The following VRK2 variants were observed in gnomAD, a reference collection of about 807,000 sequenced individuals.
VRK2 encodes VRK serine/threonine kinase 2.
In VRK2, 60 loss-of-function variants were observed where a neutral mutation model predicts 57.6. The observed-to-expected ratio is 1.04, with a 90% CI of 0.85 to 1.29. VRK2 has a LOEUF of 1.29. Among genes scored for constraint, VRK2 ranks in the 50% most tolerant of loss-of-function variants. The probability of loss-of-function intolerance (pLI) is 0.00; values close to 1 mark genes in which losing one functional copy is unlikely to be tolerated. For missense variants in VRK2, 705 were observed against 588.1 expected, an observed-to-expected ratio of 1.20 and a Z score of -2.06; for synonymous variants, 231 against 199.2, an observed-to-expected ratio of 1.16 and a Z score of -1.35.
At chr2:58,022,647 G>T (rs1394820315) in intron 1 of VRK2, among the ~76,000 whole-genome samples, 4 of 152,154 alleles carry the variant, frequency 2.6e-5, no homozygotes, top group Admixed American at 1.3e-4. Flanking sequence ...AGGCCGAGGT[G>T]GGCAGATCAC....
At chr2:58,130,552 G>A (rs1452015296) in intron 8 of VRK2, among the ~76,000 whole-genome samples, 2 of 152,208 alleles carry the variant, frequency 1.3e-5, no homozygotes, top group Non-Finnish European at 2.9e-5. Flanking sequence ...AGCTAATCAT[G>A]TCTTCTGCTT....
At chr2:57,973,785 T>C (rs566287466) in intron 1 of VRK2, among the ~76,000 whole-genome samples, 9 of 151,900 alleles carry the variant, frequency 5.9e-5, no homozygotes, top group Middle Eastern at 3.4e-3. Flanking sequence ...GAAAGATATA[T>C]ATATATATCC....
chr2:58,044,451 G>C (rs960187390), upstream of VRK2, among the ~76,000 whole-genome samples: 3 of 152,210 alleles, frequency 2.0e-5, no homozygotes, highest in Admixed American at 6.5e-5. Flanking sequence ...TGGGGATACA[G>C]TAGTGACGAA....
At chr2:58,080,393 T>G (rs987372187) in intron 2 of VRK2, among the ~76,000 whole-genome samples, 1 of 152,036 alleles carries the variant, frequency 6.6e-6, no homozygotes, top group African/African-American at 2.4e-5. Context: ...GAGAAAAAAC[T>G]TAATTGCATT....
intron 7 of VRK2, among the ~76,000 whole-genome samples, chr2:58,117,057 G>A (rs1245776332): frequency 2.6e-5 from 4 of 152,036 alleles, no homozygotes; most frequent in Admixed American, 2.6e-4. Context: ...GGGGTTTGAG[G>A]GCCAGATTCT....
chr2:58,018,794 A>G (rs1673662427), intron 1 of VRK2, among the ~76,000 whole-genome samples: 1 of 152,072 alleles, frequency 6.6e-6, no homozygotes, highest in South Asian at 2.1e-4. Flanking sequence ...ACCACTTCCA[A>G]TTATAAGGGT....
At chr2:58,143,898 T>C (rs1010518052) in intron 11 of VRK2, among the ~76,000 whole-genome samples, 7 of 151,740 alleles carry the variant, frequency 4.6e-5, no homozygotes, top group African/African-American at 1.7e-4. Context: ...ATAGAACACA[T>C]TTTCTTTATC....
intron 7 of VRK2, 40 bp from the exon 8 acceptor site, chr2:58,123,061 G>A (rs1228921685): frequency 1.3e-6 from 2 of 1,574,918 alleles, no homozygotes; most frequent in Non-Finnish European, 1.7e-6. Flanking sequence ...TGTTTTCAGA[G>A]GACAAAGGCA....
chr2:58,114,603 G>T (rs1323351296), intron 7 of VRK2, among the ~76,000 whole-genome samples: 1 of 152,104 alleles, frequency 6.6e-6, no homozygotes, highest in African/African-American at 2.4e-5. Context: ...TTAAGTTGGT[G>T]GCTGAGCTTG....
chr2:57,985,411 A>G (rs1222482444), intron 1 of VRK2, among the ~76,000 whole-genome samples: 1 of 152,070 alleles, frequency 6.6e-6, no homozygotes, highest in Non-Finnish European at 1.5e-5. Context: ...TTATACACAA[A>G]TCTGAAATTC....
intron 1 of VRK2, among the ~76,000 whole-genome samples, chr2:57,937,868 G>C (rs528285979): frequency 2.6e-5 from 3 of 115,390 alleles, no homozygotes; most frequent in African/African-American, 1.0e-4. Flanking sequence ...GTCTTGCCCT[G>C]TCTCCTAGGC....
chr2:58,120,184 C>CTTTCTTTTTTTTTTTTTTT (rs1677215194), intron 7 of VRK2, among the ~76,000 whole-genome samples: 1 of 51,988 alleles, frequency 1.9e-5, no homozygotes, highest in African/African-American at 1.0e-4. Context: ...TTTTTCTTTT[C>CTTTCTTTTTTTTTTTTTTT]TTTTTTTTTT....
At chr2:57,988,047 G>A (rs1672653429) in intron 1 of VRK2, among the ~76,000 whole-genome samples, 1 of 152,128 alleles carries the variant, frequency 6.6e-6, no homozygotes. Flanking sequence ...ATTTGTGGGA[G>A]TGTTGGAACT....
At chr2:57,995,809 C>T (rs1017418978) in intron 1 of VRK2, among the ~76,000 whole-genome samples, 5 of 152,072 alleles carry the variant, frequency 3.3e-5, no homozygotes, top group African/African-American at 1.2e-4. Flanking sequence ...ACTGTGAGTC[C>T]ACTTTGGTAC....
At chr2:58,031,554 C>A (rs12478718) in intron 2 of VRK2, among the ~76,000 whole-genome samples, 16,333 of 152,026 alleles carry the variant, frequency 0.11, 988 homozygotes, top group African/African-American at 0.16. Flanking sequence ...ATGATATTTA[C>A]AATGATTATG....
chr2:57,934,535 C>T (rs1670840244), intron 1 of VRK2, among the ~76,000 whole-genome samples: 1 of 152,148 alleles, frequency 6.6e-6, no homozygotes, highest in African/African-American at 2.4e-5. Context: ...TGATTTTATT[C>T]TGTCTTGGTA....
At chr2:58,036,940 TATTA>T (rs974139239) in intron 3 of VRK2, among the ~76,000 whole-genome samples, 41 of 152,204 alleles carry the variant, frequency 2.7e-4, no homozygotes, top group African/African-American at 8.9e-4. Flanking sequence ...ATCTTAATTT[TATTA>T]ATTAATTTTT....
At chr2:57,931,469 G>A (rs896066496) in intron 1 of VRK2, among the ~76,000 whole-genome samples, 1 of 151,934 alleles carries the variant, frequency 6.6e-6, no homozygotes, top group Non-Finnish European at 1.5e-5. Flanking sequence ...ATGTTTACTT[G>A]ATTTTTTGCT....
chr2:58,119,602 ACTT>A (rs1402120190), intron 7 of VRK2, among the ~76,000 whole-genome samples: 2 of 151,530 alleles, frequency 1.3e-5, no homozygotes, highest in South Asian at 2.1e-4. Flanking sequence ...TAGTGACTTG[ACTT>A]CTTCTTATGT....
Sources: allele counts gnomAD v4.1 joint callset (sites outside exome capture counted in the v4.1 genomes callset), GRCh38; gene constraint gnomAD v4.1.1; transcripts MANE v1.5; gene names NCBI Gene and HGNC (gene_info 2026-07-23, HGNC 2026-07-21).